SCARA5: variants seen among roughly 807,000 people sequenced by gnomAD.
SCARA5 encodes the protein scavenger receptor class A, member 5 (putative).
SCARA5 carries 45 observed loss-of-function variants against 46.3 expected under a neutral mutation model. The observed-to-expected ratio is 0.97, with a 90% CI of 0.76 to 1.24. The LOEUF is 1.24. Ranked by LOEUF, SCARA5 falls within the 50% of genes most tolerant of loss-of-function variation. SCARA5 has a pLI of 0.00. For missense variants in SCARA5, 680 were observed against 689.0 expected (o/e 0.99, Z 0.15); for synonymous variants, 333 against 306.5 (o/e 1.09, Z -0.90).
At chr8:27,964,521 A>G (rs963839701) in intron 3 of SCARA5, among the ~76,000 whole-genome samples, 2 of 152,178 alleles carry the variant, frequency 1.3e-5, no homozygotes, top group African/African-American at 2.4e-5. Flanking sequence ...ACCTCATTCA[A>G]TCTCCAAGCC....
rs184331869 is a variant in SCARA5 at position 27,959,994 on chromosome 8, A to C, written c.241+6420T>G. On this transcript the variant is annotated intron_variant, in intron 3 of 8. Coordinates refer to ENST00000354914, the MANE Select transcript of SCARA5 (RefSeq NM_173833.6). The stretch of plus-strand genomic sequence containing the variant: ...CAAGGACCTCTCCAACAATGTCTCC[A>C]GGCTTCCCTGTGTGTTTATTGGAAA... Among the ~76,000 whole-genome samples, 109 of 152,306 alleles carry C rather than the reference A, an allele frequency of 7.2e-4. 2 individuals carry two copies. Among genetic ancestry groups the C allele is most frequent in the Admixed American group, 6.0e-3 (92 of 15,302 alleles).
chr8:27,921,634 C>T lies in SCARA5; in HGVS notation c.853G>A (p.Glu285Lys), dbSNP rs1271340923. Residue 285 changes from glutamate to lysine, a missense_variant, in exon 4 of 9, where the codon GAG (glutamate) becomes AAG (lysine). By Grantham distance (56) the Glu-to-Lys change is moderately conservative. Around this residue, in one of 3 missense-constraint regions of SCARA5, gnomAD observed 438 missense variants for 384.5 expected, o/e 1.14. Coordinates refer to ENST00000354914, the MANE Select transcript of SCARA5 (RefSeq NM_173833.6). ...QELAMLNAVTEDLRLKDWEHS... is the reference protein window; with the variant it reads ...QELAMLNAVTKDLRLKDWEHS... ...TCCCAGTCCTTGAGGCGCAGGTCCTCGGTGACCGCGTTGAGCATGGCCAGC... is the reference window on the plus strand; with the variant it reads ...TCCCAGTCCTTGAGGCGCAGGTCCTTGGTGACCGCGTTGAGCATGGCCAGC... The T allele has an allele frequency of 1.2e-6, 2 of 1,602,130 alleles. No individual in the cohort carries two copies. The highest frequency in any genetic ancestry group is 1.1e-5 in the South Asian group (1 of 89,246).
intron 3 of SCARA5, among the ~76,000 whole-genome samples, chr8:27,943,722 A>C (rs535032873): frequency 6.6e-6 from 1 of 152,326 alleles, no homozygotes; most frequent in East Asian, 1.9e-4. Flanking sequence ...GCGGTCAGAG[A>C]GGAAAACAGC....
chr8:27,922,368 T>G (rs59195507), intron 3 of SCARA5, 123 bp from the exon 4 acceptor site: 424,268 of 660,972 alleles, frequency 0.64, 137,715 homozygotes, highest in Middle Eastern at 0.77. Context: ...ACGAATAAAA[T>G]CACAGGTGGT....
chr8:27,914,032 G>A (rs1011963529), intron 4 of SCARA5, among the ~76,000 whole-genome samples: 13 of 152,182 alleles, frequency 8.5e-5, no homozygotes, highest in African/African-American at 2.9e-4. Context: ...ATTCCCATGT[G>A]TTGTGGGAGG....
rs552124443 is a variant in SCARA5 at position 27,896,831 on chromosome 8, C to T, written c.1153+7947G>A. On this transcript the variant is annotated intron_variant, in intron 7 of 8. Transcript: ENST00000354914. ...GGCTGAGGCTGGGCGCAGTGGCTCA[C>T]GCCGGTAATCCAAACACTTTGGGAG... is the stretch of plus-strand genomic sequence containing the variant. 3.1e-3 allele frequency among the ~76,000 whole-genome samples: 479 copies of T among 152,198 alleles called. 2 individuals carry two copies. The highest frequency in any genetic ancestry group is 0.011 in the African/African-American group (441 of 41,528).
intron 8 of SCARA5, among the ~76,000 whole-genome samples, chr8:27,877,413 A>G (rs1384504273): frequency 1.3e-5 from 2 of 152,186 alleles, no homozygotes; most frequent in Non-Finnish European, 2.9e-5. Flanking sequence ...GGAACAGATC[A>G]GGGGAGTGAA....
intron 3 of SCARA5, among the ~76,000 whole-genome samples, chr8:27,961,039 T>C (rs1808286803): frequency 6.6e-6 from 1 of 152,220 alleles, no homozygotes; most frequent in Non-Finnish European, 1.5e-5. Context: ...CCTTCACAGA[T>C]AACCTGGGGC....
chr8:27,982,148 G>A (rs1808625817), intron 2 of SCARA5, among the ~76,000 whole-genome samples: 2 of 152,160 alleles, frequency 1.3e-5, no homozygotes, highest in African/African-American at 4.8e-5. Context: ...TCCTATTTGC[G>A]GCCATGGATG....
At chr8:27,983,800 A>T (rs903966485) in intron 2 of SCARA5, among the ~76,000 whole-genome samples, 1 of 152,172 alleles carries the variant, frequency 6.6e-6, no homozygotes, top group African/African-American at 2.4e-5. Context: ...GGGACTCAGC[A>T]GGTCCCACCA....
Position 27,966,476 on chromosome 8 carries a change from T to A in SCARA5, c.179A>T (p.His60Leu). ...CAGCAGGTAGAGCCCCAGGACAGCATGCTTCAGGGCCGACAGGGACCCCAG... is the reference window on the plus strand; with the variant it reads ...CAGCAGGTAGAGCCCCAGGACAGCAAGCTTCAGGGCCGACAGGGACCCCAG... ...TQLGSLSALKHAVLGLYLLVF... is the reference protein window; with the variant it reads ...TQLGSLSALKLAVLGLYLLVF... Residue 60 changes from histidine (H) to leucine (L), a missense_variant, in exon 3 of 9, where the codon CAT (histidine) becomes CTT (leucine). His to Leu is a moderately conservative substitution (Grantham distance 99). Coordinates refer to ENST00000354914, the MANE Select transcript of SCARA5 (RefSeq NM_173833.6). 1 of 1,613,928 alleles carries A rather than the reference T, an allele frequency of 6.2e-7. No homozygotes were observed. Among genetic ancestry groups the A allele is most frequent in the African/African-American group, 1.3e-5 (1 of 75,006 alleles).
intron 7 of SCARA5, among the ~76,000 whole-genome samples, chr8:27,899,973 A>G (rs191676614): frequency 5.3e-5 from 8 of 152,216 alleles, no homozygotes; most frequent in Admixed American, 3.9e-4. Flanking sequence ...ACCCATTTCT[A>G]CTAAAAATAC....
chr8:27,978,807 G>A (rs577516415), intron 2 of SCARA5, among the ~76,000 whole-genome samples: 40 of 152,070 alleles, frequency 2.6e-4, no homozygotes, highest in African/African-American at 7.7e-4. Flanking sequence ...CACGGTGCCC[G>A]CCCTCATCTT....
chr8:27,948,149 A>G (rs1270288694), intron 3 of SCARA5, among the ~76,000 whole-genome samples: 1 of 152,210 alleles, frequency 6.6e-6, no homozygotes, highest in Non-Finnish European at 1.5e-5. Context: ...GTATTTCACC[A>G]GAATAAAGAA....
chr8:27,902,734 G>C (rs549479525), intron 7 of SCARA5, among the ~76,000 whole-genome samples: 2 of 152,154 alleles, frequency 1.3e-5, no homozygotes, highest in South Asian at 2.1e-4. Flanking sequence ...AACAGAGCAG[G>C]GAAAAACAGC....
chr8:27,925,731 G>A (rs973645341), intron 3 of SCARA5, among the ~76,000 whole-genome samples: 2 of 151,996 alleles, frequency 1.3e-5, no homozygotes, highest in South Asian at 2.1e-4. Context: ...AATCTACAAA[G>A]AACTCAAACA....
intron 3 of SCARA5, among the ~76,000 whole-genome samples, chr8:27,965,413 C>A (rs566930423): frequency 2.0e-5 from 3 of 152,374 alleles, no homozygotes; most frequent in African/African-American, 7.2e-5. Context: ...CCAACTCCAC[C>A]TGCTTCATGC....
At chr8:27,961,337 G>A (rs1266119607) in intron 3 of SCARA5, among the ~76,000 whole-genome samples, 1 of 152,056 alleles carries the variant, frequency 6.6e-6, no homozygotes, top group Non-Finnish European at 1.5e-5. Flanking sequence ...AAAGACGGTG[G>A]ACCTCCTCCT....
At chr8:27,970,913 G>A (rs796343014) in intron 2 of SCARA5, among the ~76,000 whole-genome samples, 4 of 152,210 alleles carry the variant, frequency 2.6e-5, no homozygotes, top group African/African-American at 9.6e-5. Flanking sequence ...TACTTCCTCA[G>A]AAACTGCAAG....
Sources: gnomAD v4.1 joint callset for allele counts (sites outside exome capture counted in the v4.1 genomes callset) on GRCh38, gnomAD v4.1.1 for gene constraint, gnomAD v4.1.1 regional missense constraint, MANE v1.5 for transcripts, NCBI Gene and HGNC (gene_info 2026-07-23, HGNC 2026-07-21) for gene names.